MMP26: variants seen among roughly 807,000 people sequenced by gnomAD.
MMP26 encodes the protein matrix metallopeptidase 26, also known as matrix metalloproteinase-26.
Under a neutral mutation model 31.0 loss-of-function variants are expected in MMP26, and 33 were observed. The ratio of observed to expected loss-of-function variants is 1.06; its 90% CI spans 0.81 to 1.42. The LOEUF is 1.42. Ranked by LOEUF, MMP26 falls within the 40% of genes most tolerant of loss-of-function variation. The probability of loss-of-function intolerance (pLI) is 0.00; values close to 1 mark genes in which losing one functional copy is unlikely to be tolerated. For synonymous variants in MMP26, 122 were observed against 114.9 expected, an observed-to-expected ratio of 1.06 and a Z score of -0.40; for missense variants, 347 against 316.1, an observed-to-expected ratio of 1.10 and a Z score of -0.74.
intron 2 of MMP26, among the ~76,000 whole-genome samples, chr11:4,828,879 G>A (rs1008837390): frequency 6.6e-6 from 1 of 152,090 alleles, no homozygotes; most frequent in African/African-American, 2.4e-5. Flanking sequence ...CCATTTCAAA[G>A]GATATTCTGT....
chr11:4,915,470 T>C, intron 2 of MMP26: 1 of 1,614,076 alleles, frequency 6.2e-7, no homozygotes, highest in African/African-American at 1.3e-5. Flanking sequence ...CAGGAAGAGA[T>C]ACATAGGTTC....
chr11:4,874,565 G>GGGGTGTGT (rs141325459), intron 2 of MMP26, among the ~76,000 whole-genome samples: 11 of 149,148 alleles, frequency 7.4e-5, no homozygotes, highest in South Asian at 2.2e-4. Flanking sequence ...GTGGTGTGTT[G>GGGGTGTGT]GTGTGTGTGT....
At chr11:4,970,092 T>C (rs1052298825) in intron 2 of MMP26, among the ~76,000 whole-genome samples, 9 of 152,318 alleles carry the variant, frequency 5.9e-5, no homozygotes, top group African/African-American at 1.9e-4. Context: ...AGAGATCTTA[T>C]ACGTTTCATT....
At chr11:4,869,560 A>G (rs1850283460) in intron 2 of MMP26, among the ~76,000 whole-genome samples, 2 of 152,188 alleles carry the variant, frequency 1.3e-5, no homozygotes, top group Admixed American at 6.5e-5. Flanking sequence ...TGAAAAAGTC[A>G]GGAAACAACA....
intron 1 of MMP26, among the ~76,000 whole-genome samples, chr11:4,739,012 A>G (rs977040765): frequency 6.6e-6 from 1 of 152,130 alleles, no homozygotes; most frequent in East Asian, 1.9e-4. Context: ...TGATTTTCTT[A>G]TCTGTTGTCA....
chr11:4,770,441 A>C (rs1848701290), intron 2 of MMP26, among the ~76,000 whole-genome samples: 1 of 152,220 alleles, frequency 6.6e-6, no homozygotes, highest in Non-Finnish European at 1.5e-5. Context: ...ATAGGTAAAC[A>C]ACTTCAGAGA....
intron 1 of MMP26, among the ~76,000 whole-genome samples, chr11:4,758,159 A>T (rs1848527988): frequency 6.6e-6 from 1 of 152,216 alleles, no homozygotes; most frequent in Non-Finnish European, 1.5e-5. Flanking sequence ...TAGGCTAAAA[A>T]GCTATTCAGC....
intron 2 of MMP26, chr11:4,822,419 T>G: frequency 2.1e-6 from 3 of 1,419,150 alleles, no homozygotes; most frequent in Non-Finnish European, 2.8e-6. Context: ...GAATAAGTGC[T>G]TTGCTACAAT....
At chr11:4,734,083 G>A (rs1413329695) in intron 1 of MMP26, among the ~76,000 whole-genome samples, 1 of 151,922 alleles carries the variant, frequency 6.6e-6, no homozygotes, top group Admixed American at 6.6e-5. Flanking sequence ...TTTAATTGAT[G>A]ATGTTTTCAT....
chr11:4,783,351 C>T (rs76018346), intron 2 of MMP26, among the ~76,000 whole-genome samples: 1,748 of 152,296 alleles, frequency 0.011, 28 homozygotes, highest in African/African-American at 0.04. Context: ...TGCTGGATTT[C>T]GGATTTGTGT....
intron 2 of MMP26, among the ~76,000 whole-genome samples, chr11:4,921,156 C>A (rs11034658): frequency 0.24 from 36,028 of 152,100 alleles, 4,979 homozygotes; most frequent in Non-Finnish European, 0.3. Context: ...CTTTTATATT[C>A]TTGTGACAAG....
Position 4,991,993 on chromosome 11 carries a change from G to A in MMP26, c.625G>A (p.Glu209Lys). ...GYNLFLVATH[E>K]IGHSLGLQHS... ...TAATCTGTTCCTGGTTGCAACTCAT[G>A]AGATTGGGCATTCTTTGGGCCTGCA... The change falls in exon 7 of 8, where the codon GAG becomes AAG. Residue 209 changes from glutamate (E) to lysine (K), a missense_variant. By Grantham distance (56) the Glu-to-Lys change is moderately conservative. Transcript: ENST00000380390. 6.2e-7 allele frequency: 1 copy of A among 1,607,594 alleles called. No homozygotes were observed. Among genetic ancestry groups the A allele is most frequent in the Non-Finnish European group, 8.5e-7 (1 of 1,178,414 alleles).
In MMP26 at chr11:4,748,416, AG is replaced by A. The variant is rs199608726; in HGVS notation, c.-216-18848del. On this transcript the variant is annotated intron_variant, in intron 1 of 7. Coordinates refer to ENST00000380390, the MANE Select transcript of MMP26 (RefSeq NM_021801.5). Reference sequence around the variant, plus strand: ...CTAAAACTGTTCCAAAAAATCAAGGAGGGGGGAATTACCCCTAACTCATTTT... The same window carrying A: ...CTAAAACTGTTCCAAAAAATCAAGGAGGGGGAATTACCCCTAACTCATTTT... Among the ~76,000 whole-genome samples, 145 of 152,190 alleles carry A rather than the reference AG, an allele frequency of 9.5e-4. No individual in the cohort carries two copies. The East Asian group carries it at 0.019, about 20-fold the overall frequency.
At chr11:4,985,454 G>A (rs1039996883) in intron 2 of MMP26, among the ~76,000 whole-genome samples, 2 of 152,022 alleles carry the variant, frequency 1.3e-5, no homozygotes, top group Non-Finnish European at 2.9e-5. Flanking sequence ...TCTTTTCCAA[G>A]TATATCACAT....
chr11:4,822,366 A>G (rs1456026483), intron 2 of MMP26: 8 of 1,473,294 alleles, frequency 5.4e-6, no homozygotes, highest in Non-Finnish European at 7.2e-6. Context: ...AGCACTCCAA[A>G]TCTAATCATC....
chr11:4,882,682 T>C lies in MMP26; in HGVS notation c.-144-105386T>C, dbSNP rs757349152. On this transcript the variant is annotated intron_variant, in intron 2 of 7. Transcript: ENST00000380390. ...TCTATGTGCCACTGATCAGCCTCTC[T>C]TTGGCACACCGCCTCTTCCACTCCA... 6.2e-6 allele frequency: 10 copies of C among 1,613,842 alleles called. No homozygotes were observed. The African/African-American group carries it at 8.0e-5, about 13-fold the overall frequency.
chr11:4,848,120 T>C (rs1412086272), intron 2 of MMP26: 2 of 1,081,862 alleles, frequency 1.8e-6, no homozygotes, highest in South Asian at 1.6e-5. Flanking sequence ...GGAAGCTACA[T>C]GCACATATAT....
At position 4,828,062 on chromosome 11, in the gene MMP26, A is replaced by G. The variant is rs1285741952; in HGVS notation, c.-145+60721A>G. 5.9e-5 allele frequency among the ~76,000 whole-genome samples: 9 copies of G among 152,144 alleles called. No individual in the cohort carries two copies. The East Asian group carries it at 1.7e-3, about 29-fold the overall frequency. The stretch of plus-strand genomic sequence containing the variant: ...TGTGGACTGATGCTGGAAAAAATAC[A>G]TCAACATTAGAAACTTGCACTCCTT... On this transcript the variant is annotated intron_variant, in intron 2 of 7. Coordinates refer to ENST00000380390, the MANE Select transcript of MMP26 (RefSeq NM_021801.5).
Position 4,950,902 on chromosome 11 carries a change from A to C in MMP26, c.-144-37166A>C, listed in dbSNP as rs1000418816. ...CCCAAATTGTGGTGAATATGTGGAG[A>C]ACTAGAATGCTTACACTTTGCTATT... On this transcript the variant is annotated intron_variant, in intron 2 of 7. Coordinates refer to ENST00000380390, the MANE Select transcript of MMP26 (RefSeq NM_021801.5). Among the ~76,000 whole-genome samples the C allele has an allele frequency of 4.8e-5, 6 of 123,734 alleles. 1 individual carries two copies. Among genetic ancestry groups the C allele is most frequent in the Admixed American group, 2.7e-4 (3 of 11,122 alleles). The allele number at this position is 123,734 out of a possible 152,430, so 81.2% of individuals were successfully genotyped here.
Sources: gnomAD v4.1 joint callset for allele counts (sites outside exome capture counted in the v4.1 genomes callset) on GRCh38, gnomAD v4.1.1 for gene constraint, MANE v1.5 for transcripts, NCBI Gene and HGNC (gene_info 2026-07-23, HGNC 2026-07-21) for gene names.